The following ZFP1 variants were observed in gnomAD, a reference collection of about 807,000 sequenced individuals.
The protein encoded by ZFP1 is zinc finger protein 1 homolog.
Under a neutral mutation model 38.5 loss-of-function variants are expected in ZFP1, and 32 were observed. The ratio of observed to expected loss-of-function variants is 0.83; its 90% CI spans 0.63 to 1.12. The LOEUF is 1.12. Ranked by LOEUF, ZFP1 falls within the 50% of genes most tolerant of loss-of-function variation. The pLI is 0.00. For missense variants in ZFP1, 616 were observed against 480.8 expected (o/e 1.28, Z -2.63); for synonymous variants, 245 against 168.8 (o/e 1.45, Z -3.50).
intron 2 of ZFP1, among the ~76,000 whole-genome samples, chr16:75,154,118 G>A (rs2037350007): frequency 6.6e-6 from 1 of 152,188 alleles, no homozygotes; most frequent in African/African-American, 2.4e-5. Context: ...CAGCTACTCG[G>A]GAGGCTGAGG....
intron 2 of ZFP1, among the ~76,000 whole-genome samples, chr16:75,159,362 T>C (rs2037642613): frequency 6.8e-5 from 1 of 14,616 alleles, no homozygotes; most frequent in Admixed American, 1.0e-3. Flanking sequence ...TTCTTTCCTT[T>C]CCCTCCCTCC....
At chr16:75,154,207 G>A (rs564322878) in intron 2 of ZFP1, among the ~76,000 whole-genome samples, 21 of 128,532 alleles carry the variant, frequency 1.6e-4, no homozygotes, top group African/African-American at 5.7e-4. Context: ...CTGGGCAACA[G>A]AGCGAGACTT....
intron 2 of ZFP1, among the ~76,000 whole-genome samples, chr16:75,165,197 G>A (rs2145566858): frequency 6.6e-6 from 1 of 152,244 alleles, no homozygotes; most frequent in South Asian, 2.1e-4. Flanking sequence ...AAGTCGGTTT[G>A]TTTTAGCAGA....
At chr16:75,148,471 G>GTC (rs1346483480), upstream of ZFP1, 1 of 152,228 alleles carries the variant, frequency 6.6e-6, no homozygotes, top group Non-Finnish European at 1.5e-5. Flanking sequence ...CCCTGGGAAC[G>GTC]GCCCGCGCCC....
intron 2 of ZFP1, among the ~76,000 whole-genome samples, chr16:75,161,946 G>T (rs537082833): frequency 1.3e-5 from 2 of 149,234 alleles, no homozygotes; most frequent in Admixed American, 1.3e-4. Flanking sequence ...TACTGTGCCC[G>T]GCTAATTTTT....
chr16:75,139,018 C>T, the ZFP1 span, among the ~76,000 whole-genome samples: 1 of 152,084 alleles, frequency 6.6e-6, no homozygotes, highest in African/African-American at 2.4e-5. Context: ...AGAAAAACAT[C>T]GGATACATTT....
intron 2 of ZFP1, chr16:75,166,481 A>G: frequency 2.1e-6 from 2 of 941,926 alleles, no homozygotes; most frequent in Non-Finnish European, 2.5e-6. Flanking sequence ...CCGCCCACCT[A>G]GCCTCCCAAA....
chr16:75,170,476 C>T lies in ZFP1; in HGVS notation c.*142C>T, dbSNP rs531133633. 1 of 1,233,422 alleles carries T rather than the reference C, an allele frequency of 8.1e-7. No homozygotes were observed. The highest frequency in any genetic ancestry group is 2.2e-5 in the South Asian group (1 of 44,778). 76.4% of individuals were successfully genotyped at this position (1,233,422 alleles called of 1,614,324 possible). On this transcript the variant is annotated 3_prime_UTR_variant, in exon 4 of 4. Transcript: ENST00000570010. ...TCAAAAATGTATTAAAAATAGGATCCCATGAGAACATTATACTGGAAGTTA... is the reference window on the plus strand; with the variant it reads ...TCAAAAATGTATTAAAAATAGGATCTCATGAGAACATTATACTGGAAGTTA...
At chr16:75,166,968 T>G (rs757302319) in intron 3 of ZFP1, 72 bp downstream of exon 3, 73 of 1,544,444 alleles carry the variant, frequency 4.7e-5, no homozygotes, top group Non-Finnish European at 6.3e-5. Flanking sequence ...TGACCAGAAA[T>G]GAGCTTCTGA....
At chr16:75,135,641 A>T in the ZFP1 span, among the ~76,000 whole-genome samples, 4 of 152,154 alleles carry the variant, frequency 2.6e-5, no homozygotes, top group African/African-American at 7.2e-5. Flanking sequence ...CCAGGTGTTC[A>T]AGGTGGGAGG....
intron 1 of ZFP1, among the ~76,000 whole-genome samples, chr16:75,149,557 C>CTTTTTTTTTTTTTTTTTTTTTTTT (rs34371791): frequency 9.8e-6 from 1 of 101,766 alleles, no homozygotes; most frequent in Non-Finnish European, 1.9e-5. Context: ...TCTTTACTTT[C>CTTTTTTTTTTTTTTTTTTTTTTTT]TTTTTTTTTT....
the ZFP1 span, among the ~76,000 whole-genome samples, chr16:75,124,233 A>T: frequency 6.7e-6 from 1 of 149,950 alleles, no homozygotes; most frequent in Non-Finnish European, 1.5e-5. Context: ...TACAAAGCTC[A>T]CTGCAACCTC....
chr16:75,169,724 T>C lies in ZFP1; in HGVS notation c.614T>C (p.Ile205Thr). 6.2e-7 allele frequency: 1 copy of C among 1,613,398 alleles called. No homozygotes were observed. The highest frequency in any genetic ancestry group is 8.5e-7 in the Non-Finnish European group (1 of 1,179,624). Reference sequence around the variant, plus strand: ...TCACTCCTCATTAGTCATAAGAGAATACATACTGGAGAAAAGCCATATGAA... The same window carrying C: ...TCACTCCTCATTAGTCATAAGAGAACACATACTGGAGAAAAGCCATATGAA... ...FKSLLISHKR[I>T]HTGEKPYECN... The change falls in exon 4 of 4, where the codon ATA (isoleucine) becomes ACA (threonine). Residue 205 changes from isoleucine to threonine, a missense_variant. Coordinates refer to ENST00000570010, the MANE Select transcript of ZFP1 (RefSeq NM_153688.4).
upstream of ZFP1, among the ~76,000 whole-genome samples, chr16:75,146,102 T>A (rs1218475401): frequency 9.9e-5 from 15 of 151,616 alleles, no homozygotes; most frequent in Admixed American, 9.2e-4. Flanking sequence ...CGCGAAGGGG[T>A]CCAGGGAACT....
At chr16:75,153,339 T>A (rs1434236433) in intron 2 of ZFP1, among the ~76,000 whole-genome samples, 4 of 152,222 alleles carry the variant, frequency 2.6e-5, no homozygotes, top group Non-Finnish European at 5.9e-5. Flanking sequence ...TCCAGTCAGA[T>A]TAGCCTAATG....
the ZFP1 span, among the ~76,000 whole-genome samples, chr16:75,123,001 C>T: frequency 6.6e-6 from 1 of 152,002 alleles, no homozygotes; most frequent in Non-Finnish European, 1.5e-5. Flanking sequence ...TAGACAAACT[C>T]ATAATTTTGA....
At chr16:75,119,211 C>G in the ZFP1 span, among the ~76,000 whole-genome samples, 1 of 152,176 alleles carries the variant, frequency 6.6e-6, no homozygotes, top group African/African-American at 2.4e-5. Context: ...TTGGTAACCA[C>G]AGAAGAATTC....
At chr16:75,127,241 C>A in the ZFP1 span, among the ~76,000 whole-genome samples, 2 of 152,134 alleles carry the variant, frequency 1.3e-5, no homozygotes, top group Non-Finnish European at 2.9e-5. Flanking sequence ...AACTCTAAAA[C>A]TCTAACAGGT....
intron 2 of ZFP1, among the ~76,000 whole-genome samples, chr16:75,154,358 T>C (rs796858795): frequency 3.3e-5 from 5 of 152,228 alleles, no homozygotes; most frequent in African/African-American, 1.2e-4. Flanking sequence ...ACAGATAAAC[T>C]TAGTGGCTTC....
Sources: gnomAD v4.1 joint callset for allele counts (sites outside exome capture counted in the v4.1 genomes callset) on GRCh38, gnomAD v4.1.1 for gene constraint, MANE v1.5 for transcripts, NCBI Gene and HGNC (gene_info 2026-07-23, HGNC 2026-07-21) for gene names.